The following EPYC variants were observed in gnomAD, a reference collection of about 807,000 sequenced individuals.
EPYC encodes epiphycan, also known as dermatan sulfate proteoglycan 3.
Under a neutral mutation model 30.1 loss-of-function variants are expected in EPYC, and 28 were observed. The observed-to-expected ratio is 0.93, with a 90% confidence interval of 0.69 to 1.28. The LOEUF is 1.28. Among genes scored for constraint, EPYC ranks in the 50% most tolerant of loss-of-function variants. The pLI is 0.00. For synonymous variants in EPYC, 144 were observed against 141.4 expected (o/e 1.02, Z -0.13); for missense variants, 382 against 383.5 (o/e 1.00, Z 0.03).
At chr12:90,972,165 C>T (rs1877068024) in intron 4 of EPYC, among the ~76,000 whole-genome samples, 163 bp from the exon 5 acceptor site, 1 of 152,084 alleles carries the variant, frequency 6.6e-6, no homozygotes, top group Non-Finnish European at 1.5e-5. Flanking sequence ...AAATACTATT[C>T]ATATTTATGT....
chr12:90,972,512 T>C (rs1877076909), intron 4 of EPYC: 1 of 191,148 alleles, frequency 5.2e-6, no homozygotes, highest in African/African-American at 2.3e-5. Flanking sequence ...ATGACCACAA[T>C]ATTTTACTCA....
Position 91,002,753 on chromosome 12 carries a change from C to T in EPYC, c.-13-175G>A, listed in dbSNP as rs568543100. Among the ~76,000 whole-genome samples the T allele has an allele frequency of 5.4e-3, 564 of 104,572 alleles. 3 individuals are homozygous for T. Among genetic ancestry groups the T allele is most frequent in the African/African-American group, 0.014 (537 of 37,580 alleles). 68.6% of individuals were successfully genotyped at this position (104,572 alleles called of 152,430 possible). On this transcript the variant is annotated intron_variant, in intron 1 of 6. Coordinates refer to ENST00000261172, the MANE Select transcript of EPYC (RefSeq NM_004950.5). ...ATCATCTGATTTCCTAGGACCATTGCTGCCAGATGTTCAAATTAATTCACA... is the reference window on the plus strand; with the variant it reads ...ATCATCTGATTTCCTAGGACCATTGTTGCCAGATGTTCAAATTAATTCACA...
chr12:90,997,578 C>T (rs1015816227), intron 2 of EPYC, among the ~76,000 whole-genome samples: 2 of 152,060 alleles, frequency 1.3e-5, no homozygotes, highest in African/African-American at 4.8e-5. Context: ...AAAAGACTAT[C>T]TCAGTTTAAA....
intron 2 of EPYC, among the ~76,000 whole-genome samples, chr12:90,994,736 A>G (rs1056223787): frequency 1.3e-5 from 2 of 152,178 alleles, no homozygotes; most frequent in Non-Finnish European, 2.9e-5. Context: ...GCCCAGACCT[A>G]GAGCAGATAA....
chr12:90,969,348 T>G (rs1016267476), intron 6 of EPYC, among the ~76,000 whole-genome samples: 4 of 151,982 alleles, frequency 2.6e-5, no homozygotes, highest in African/African-American at 9.7e-5. Flanking sequence ...ACAACTGAAA[T>G]AAGAAATAAT....
chr12:90,973,900 G>A (rs1438424221), intron 3 of EPYC, among the ~76,000 whole-genome samples: 2 of 152,036 alleles, frequency 1.3e-5, no homozygotes, highest in Non-Finnish European at 2.9e-5. Context: ...ACTGAAGCAG[G>A]GCAACTGGAA....
intron 3 of EPYC, among the ~76,000 whole-genome samples, chr12:90,974,072 A>ACACACCCCCC (rs71094701): frequency 6.9e-6 from 1 of 144,114 alleles, no homozygotes; most frequent in Non-Finnish European, 1.5e-5. Context: ...ACACACACAC[A>ACACACCCCCC]CCCCTACCTC....
intron 6 of EPYC, among the ~76,000 whole-genome samples, chr12:90,965,866 C>T (rs1445183964): frequency 6.6e-6 from 1 of 151,866 alleles, no homozygotes; most frequent in Non-Finnish European, 1.5e-5. Flanking sequence ...CTTTTAGATA[C>T]CTTTAAAATT....
chr12:90,983,311 G>A (rs1410207194), intron 2 of EPYC, among the ~76,000 whole-genome samples: 1 of 152,098 alleles, frequency 6.6e-6, no homozygotes, highest in African/African-American at 2.4e-5. Context: ...ATATCACCAA[G>A]CGGTGAGTAC....
At chr12:90,993,915 A>C (rs1877642332) in intron 2 of EPYC, among the ~76,000 whole-genome samples, 1 of 152,280 alleles carries the variant, frequency 6.6e-6, no homozygotes, top group Admixed American at 6.5e-5. Context: ...ATCTCAGATT[A>C]GCTGCCAGAT....
rs544815739 is a variant in EPYC at position 90,974,562 on chromosome 12, A to C, written c.341-1582T>G. On this transcript the variant is annotated intron_variant, in intron 3 of 6. Coordinates refer to ENST00000261172, the MANE Select transcript of EPYC (RefSeq NM_004950.5). ...ATCCAGAGGAGGTGAATTTGAATAT[A>C]AAAAGGATCATGAGAGGACAGTAGG... 9.9e-4 allele frequency among the ~76,000 whole-genome samples: 151 copies of C among 152,204 alleles called. 1 individual carries two copies. The highest frequency in any genetic ancestry group is 3.6e-3 in the African/African-American group (149 of 41,540).
intron 2 of EPYC, among the ~76,000 whole-genome samples, chr12:90,982,730 T>A (rs1467742530): frequency 6.6e-6 from 1 of 152,134 alleles, no homozygotes; most frequent in East Asian, 1.9e-4. Flanking sequence ...TACACTGAGA[T>A]CATATGGTAT....
chr12:90,978,027 C>A, intron 3 of EPYC, 61 bp downstream of exon 3: 1 of 1,422,868 alleles, frequency 7.0e-7, no homozygotes, highest in African/African-American at 1.5e-5. Flanking sequence ...AGAGTTGAAG[C>A]TGTGCAGTTT....
At chr12:90,989,189 CATT>C (rs1327800719) in intron 2 of EPYC, among the ~76,000 whole-genome samples, 1 of 151,934 alleles carries the variant, frequency 6.6e-6, no homozygotes, top group Non-Finnish European at 1.5e-5. Context: ...TAGTACATAT[CATT>C]GACATTAGAA....
chr12:90,968,889 G>A (rs1039404757), intron 6 of EPYC, among the ~76,000 whole-genome samples: 1 of 151,714 alleles, frequency 6.6e-6, no homozygotes, highest in African/African-American at 2.4e-5. Flanking sequence ...GAAAAAAAGA[G>A]AGAGCCATCC....
chr12:91,000,724 G>T (rs1043609598), intron 2 of EPYC, among the ~76,000 whole-genome samples: 1 of 151,894 alleles, frequency 6.6e-6, no homozygotes, highest in Non-Finnish European at 1.5e-5. Flanking sequence ...AATAGTTTGG[G>T]GGGAAATGAC....
chr12:90,997,402 T>C (rs974139477), intron 2 of EPYC, among the ~76,000 whole-genome samples: 2 of 152,026 alleles, frequency 1.3e-5, no homozygotes, highest in Admixed American at 6.6e-5. Flanking sequence ...CTATACATCT[T>C]AATATTGCTA....
At chr12:90,975,881 T>C (rs963945093) in intron 3 of EPYC, among the ~76,000 whole-genome samples, 3 of 152,134 alleles carry the variant, frequency 2.0e-5, no homozygotes, top group Non-Finnish European at 4.4e-5. Flanking sequence ...GAATATAATA[T>C]ATTCATTAAT....
At chr12:91,000,545 AT>A (rs1303700383) in intron 2 of EPYC, among the ~76,000 whole-genome samples, 1 of 151,810 alleles carries the variant, frequency 6.6e-6, no homozygotes, top group African/African-American at 2.4e-5. Context: ...AGATATAGTC[AT>A]TTTTTTCATT....
Sources: gnomAD v4.1 joint callset for allele counts (sites outside exome capture counted in the v4.1 genomes callset) on GRCh38, gnomAD v4.1.1 for gene constraint, MANE v1.5 for transcripts, NCBI Gene and HGNC (gene_info 2026-07-23, HGNC 2026-07-21) for gene names.